SNRPN: variants seen among roughly 807,000 people sequenced by gnomAD.
SNRPN encodes the protein small nuclear ribonucleoprotein-associated protein N.
Under a neutral mutation model 25.2 loss-of-function variants are expected in SNRPN, and 7 were observed. The observed-to-expected ratio is 0.28, with a 90% CI of 0.16 to 0.52. The LOEUF is 0.52. Ranked by LOEUF, SNRPN falls within the 20% of genes least tolerant of loss-of-function variation. The pLI, the probability that SNRPN is intolerant of heterozygous loss-of-function variation, is 0.96. For missense variants in SNRPN, 196 were observed against 322.5 expected, an observed-to-expected ratio of 0.61 and a Z score of 3.00; for synonymous variants, 124 against 110.6, an observed-to-expected ratio of 1.12 and a Z score of -0.76.
chr15:24,840,443 CCA>C (rs1308010147), intron 2 of SNRPN, among the ~76,000 whole-genome samples: 1 of 152,186 alleles, frequency 6.6e-6, no homozygotes, highest in African/African-American at 2.4e-5. Context: ...CTGGTACACC[CCA>C]GTGTCAGTTT....
intron 1 of SNRPN, among the ~76,000 whole-genome samples, chr15:24,859,522 T>A (rs2053787620): frequency 6.6e-6 from 1 of 152,178 alleles, no homozygotes; most frequent in African/African-American, 2.4e-5. Flanking sequence ...GTTAAAGATG[T>A]ATAAGATGTG....
rs1301772028 is a variant in SNRPN at position 24,918,470 on chromosome 15, GTA to G, written c.-504-1532_-504-1531del. On this transcript the variant is annotated intron_variant, in intron 2 of 11. Transcript: ENST00000400097. ...TATATATATAACATAATATATATGT[GTA>G]TATATATAACATAATATATATGTGT... Among the ~76,000 whole-genome samples the G allele has an allele frequency of 1.1e-3, 130 of 123,232 alleles. 1 individual carries two copies. Among genetic ancestry groups the G allele is most frequent in the African/African-American group, 3.6e-3 (120 of 33,040 alleles). The allele number at this position is 123,232 out of a possible 152,430, so 80.8% of individuals were successfully genotyped here. A position where few individuals can be genotyped will look rare whatever the true frequency, so the allele number is the denominator to read the frequency against.
In SNRPN at chr15:24,863,802, C is replaced by T. The variant is rs1021392858; in HGVS notation, c.-579+7086C>T. Among the ~76,000 whole-genome samples the T allele has an allele frequency of 4.7e-5, 7 of 150,514 alleles. 1 individual carries two copies. Among genetic ancestry groups the T allele is most frequent in the African/African-American group, 1.2e-4 (5 of 40,088 alleles). ...CTGTTTTCCTAGTTAACTGTGGACA[C>T]ATCTGCGTTCTGGAAACTATTAAAC... On this transcript the variant is annotated intron_variant, in intron 1 of 11. Coordinates refer to the SNRPN transcript ENST00000400097.
At chr15:24,894,565 A>C (rs1480532495) in intron 2 of SNRPN, among the ~76,000 whole-genome samples, 1 of 152,228 alleles carries the variant, frequency 6.6e-6, no homozygotes, top group Non-Finnish European at 1.5e-5. Flanking sequence ...ACAGAAAAGC[A>C]ATAGCTGCTC....
At chr15:24,835,055 A>T (rs1344473674) in intron 2 of SNRPN, among the ~76,000 whole-genome samples, 1 of 30,064 alleles carries the variant, frequency 3.3e-5, no homozygotes, top group Non-Finnish European at 5.5e-5. Flanking sequence ...TATATATAAA[A>T]ATATAGATAT....
chr15:24,947,090 T>C (rs961099420), intron 3 of SNRPN, among the ~76,000 whole-genome samples: 8 of 152,238 alleles, frequency 5.3e-5, no homozygotes, highest in Non-Finnish European at 8.8e-5. Context: ...TTTAAGGTTA[T>C]TTTACTTCAA....
At chr15:24,894,712 C>T (rs1266135414) in intron 2 of SNRPN, among the ~76,000 whole-genome samples, 1 of 152,148 alleles carries the variant, frequency 6.6e-6, no homozygotes, top group Non-Finnish European at 1.5e-5. Context: ...TTACTTTCTT[C>T]TCTTGACCAG....
intron 3 of SNRPN, among the ~76,000 whole-genome samples, chr15:24,948,424 A>G (rs1048344767): frequency 2.0e-5 from 3 of 152,158 alleles, no homozygotes; most frequent in Middle Eastern, 3.4e-3. Context: ...AGAACAGTTT[A>G]TATTTAAAAA....
At chr15:24,917,788 T>G (rs573745447) in intron 2 of SNRPN, among the ~76,000 whole-genome samples, 1 of 152,378 alleles carries the variant, frequency 6.6e-6, no homozygotes, top group South Asian at 2.1e-4. Flanking sequence ...GGATTTAGTT[T>G]TTTAAAAACC....
upstream of SNRPN, among the ~76,000 whole-genome samples, chr15:24,853,629 G>A (rs1463807828): frequency 1.3e-5 from 2 of 152,174 alleles, no homozygotes; most frequent in South Asian, 2.1e-4. Context: ...TCCTGACCTC[G>A]TGATCTGCCC....
In SNRPN at chr15:24,978,103, T is replaced by C. The variant is rs189369069; in HGVS notation, c.560-90T>C. On this transcript the variant is annotated intron_variant, in intron 8 of 9. Transcript: ENST00000390687. ...GTTATTTGACTCTATCATTGTTGTC[T>C]GGCCCATTTCTTTAGGGATTATTTG... 13 of 1,377,946 alleles carry C rather than the reference T, an allele frequency of 9.4e-6. No individual in the cohort carries two copies. In the Admixed American group the frequency reaches 2.3e-4, roughly 24 times the overall value. 85.4% of individuals were successfully genotyped at this position (1,377,946 alleles called of 1,614,324 possible).
intron 2 of SNRPN, among the ~76,000 whole-genome samples, chr15:24,917,979 A>G (rs999528892): frequency 6.6e-6 from 1 of 152,202 alleles, no homozygotes; most frequent in Non-Finnish European, 1.5e-5. Context: ...TCTTATGGTT[A>G]GAAAAATCAT....
intron 2 of SNRPN, among the ~76,000 whole-genome samples, chr15:24,841,400 AC>A (rs1477231852): frequency 3.9e-5 from 6 of 152,062 alleles, no homozygotes; most frequent in African/African-American, 1.4e-4. Context: ...ACAGGGCTCT[AC>A]CCACAAGTAC....
chr15:24,906,693 G>A (rs1015504166), intron 2 of SNRPN, among the ~76,000 whole-genome samples: 1 of 152,136 alleles, frequency 6.6e-6, no homozygotes, highest in Non-Finnish European at 1.5e-5. Flanking sequence ...CTCAATTTCT[G>A]AGGTGCCATA....
intron 5 of SNRPN, 77 bp downstream of exon 5, chr15:24,975,586 T>C: frequency 8.0e-7 from 1 of 1,253,844 alleles, no homozygotes; most frequent in Non-Finnish European, 1.1e-6. Flanking sequence ...GTAAGGGATT[T>C]CCGAGGGTAA....
intron 3 of SNRPN, among the ~76,000 whole-genome samples, chr15:24,925,407 C>T (rs923702321): frequency 5.9e-5 from 9 of 151,698 alleles, no homozygotes; most frequent in Admixed American, 2.6e-4. Context: ...GCCAGGAGTT[C>T]GAGACCAGCC....
At chr15:24,945,647 G>C (rs1004771187) in intron 3 of SNRPN, among the ~76,000 whole-genome samples, 1 of 152,172 alleles carries the variant, frequency 6.6e-6, no homozygotes, top group African/African-American at 2.4e-5. Context: ...GTAAGAATAT[G>C]TGCAAAGGCC....
intron 2 of SNRPN, among the ~76,000 whole-genome samples, chr15:24,837,491 C>G (rs1185578374): frequency 6.6e-6 from 1 of 151,342 alleles, no homozygotes; most frequent in Non-Finnish European, 1.5e-5. Context: ...GCCTCAGCCT[C>G]CCGAGTAGCT....
chr15:24,977,802 A>G lies in SNRPN; in HGVS notation c.445A>G (p.Thr149Ala), dbSNP rs756947921. The change falls in exon 8 of 10, where the codon ACT (threonine) becomes GCT (alanine). Residue 149 changes from threonine to alanine, a missense_variant. By Grantham distance (58) the Thr-to-Ala change is moderately conservative. Coordinates refer to ENST00000390687, the MANE Select transcript of SNRPN (RefSeq NM_003097.6). ...QQVMTPQGRG[T>A]VAAAAVAATA... ...GGTAATGACTCCACAGGGAAGAGGCACTGTAGCAGCTGCTGCTGTTGCTGC... is the reference window on the plus strand; with the variant it reads ...GGTAATGACTCCACAGGGAAGAGGCGCTGTAGCAGCTGCTGCTGTTGCTGC... 51 of 1,612,796 alleles carry G rather than the reference A, an allele frequency of 3.2e-5. No homozygotes were observed. The highest frequency in any genetic ancestry group is 4.0e-5 in the Non-Finnish European group (47 of 1,179,356).
Sources: allele counts gnomAD v4.1 joint callset (sites outside exome capture counted in the v4.1 genomes callset), GRCh38; gene constraint gnomAD v4.1.1; transcripts MANE v1.5; gene names NCBI Gene and HGNC (gene_info 2026-07-23, HGNC 2026-07-21).